Variants in EEF1D observed in about 807,000 individuals in gnomAD.
EEF1D encodes the protein eukaryotic translation elongation factor 1 delta, also known as elongation factor 1-delta.
Under a neutral mutation model 63.9 loss-of-function variants are expected in EEF1D, and 47 were observed. The ratio of observed to expected loss-of-function variants is 0.74; its 90% CI spans 0.58 to 0.94. The LOEUF (loss-of-function observed/expected upper bound fraction) is 0.94, where lower values mean the gene tolerates loss of function less well. Among genes scored for constraint, EEF1D ranks in the 40% least tolerant of loss-of-function variants. The pLI, the probability that EEF1D is intolerant of heterozygous loss-of-function variation, is 0.00. For synonymous variants in EEF1D, 412 were observed against 386.1 expected (o/e 1.07, Z -0.79); for missense variants, 907 against 899.0 (o/e 1.01, Z -0.11).
In EEF1D at chr8:143,589,792, C is replaced by A; in HGVS notation, c.290G>T (p.Gly97Val). Reference protein sequence around the residue: ...KRKRSPKSGLGPADLALLGLS... With the variant: ...KRKRSPKSGLVPADLALLGLS... The stretch of plus-strand genomic sequence containing the variant: ...GCCCAGGAGGGCCAGGTCCGCGGGG[C>A]CGAGCCCGCTCTTGGGGGAGCGCTT... Residue 97 changes from glycine (G) to valine (V), a missense_variant, in exon 3 of 10, where the codon GGC (glycine) becomes GTC (valine). By Grantham distance (109) the Gly-to-Val change is moderately radical. Coordinates refer to ENST00000618139, the MANE Select transcript of EEF1D (RefSeq NM_001130053.5). 6.3e-7 allele frequency: 1 copy of A among 1,581,004 alleles called. No homozygotes were observed. The highest frequency in any genetic ancestry group is 1.2e-5 in the South Asian group (1 of 86,464).
Position 143,589,340 on chromosome 8 carries a change from C to T in EEF1D, c.742G>A (p.Glu248Lys), listed in dbSNP as rs780292002. Residue 248 changes from glutamate (E) to lysine (K), a missense_variant, in exon 3 of 10, where the codon GAG becomes AAG. Transcript: ENST00000618139. Reference protein sequence around the residue: ...RYDAAERGFYEALFDGHPPGK... With the variant: ...RYDAAERGFYKALFDGHPPGK... ...GGGGGATGGCCGTCAAACAGGGCCT[C>T]GTAGAAGCCCCTCTCGGCTGCATCA... 1.1e-5 allele frequency: 18 copies of T among 1,580,852 alleles called. No individual in the cohort carries two copies. The highest frequency in any genetic ancestry group is 5.4e-5 in the African/African-American group (4 of 74,102).
Position 143,586,943 on chromosome 8 carries a change from C to T in EEF1D, c.1092-91G>A, listed in dbSNP as rs192596290. On this transcript the variant is annotated intron_variant, in intron 3 of 9. Coordinates refer to ENST00000618139, the MANE Select transcript of EEF1D (RefSeq NM_001130053.5). Reference sequence around the variant, plus strand: ...AAGCACCAAGGTGCAGTGGGGCTGACACCCGCTTCAGACACCAGCGGTTCT... The same window carrying T: ...AAGCACCAAGGTGCAGTGGGGCTGATACCCGCTTCAGACACCAGCGGTTCT... The T allele has an allele frequency of 8.4e-6, 13 of 1,545,492 alleles. No individual in the cohort carries two copies. In the African/African-American group the frequency reaches 1.6e-4, roughly 19 times the overall value.
intron 1 of EEF1D, among the ~76,000 whole-genome samples, chr8:143,595,761 G>A (rs1433579044): frequency 1.3e-5 from 2 of 152,144 alleles, no homozygotes; most frequent in African/African-American, 4.8e-5. Flanking sequence ...TGCCTGCCCG[G>A]CGCAGCCCCT....
chr8:143,593,521 G>A (rs1453246825), intron 1 of EEF1D, among the ~76,000 whole-genome samples: 4 of 152,164 alleles, frequency 2.6e-5, no homozygotes, highest in Non-Finnish European at 5.9e-5. Flanking sequence ...TCACCAACGG[G>A]AGCTCCGGCC....
At chr8:143,593,706 G>A (rs1344769000) in intron 1 of EEF1D, among the ~76,000 whole-genome samples, 1 of 152,124 alleles carries the variant, frequency 6.6e-6, no homozygotes, top group Non-Finnish European at 1.5e-5. Flanking sequence ...AAGCCCTCAG[G>A]AGACACCACA....
chr8:143,586,831 G>A lies in EEF1D; in HGVS notation c.1113C>T (p.Phe371=). 1 of 1,614,128 alleles carries A rather than the reference G, an allele frequency of 6.2e-7. No homozygotes were observed. The highest frequency in any genetic ancestry group is 1.3e-5 in the African/African-American group (1 of 75,054). The part of the protein sequence containing the change: ...LRPNRKMATN[F]LAHEKIWFDK... Reference sequence around the variant, plus strand: ...CGAACCAGATCTTCTCATGTGCTAGGAAGTTTGTAGCCATTTTTCTGCTGG... The same window carrying A: ...CGAACCAGATCTTCTCATGTGCTAGAAAGTTTGTAGCCATTTTTCTGCTGG... Residue 371 remains phenylalanine, a synonymous_variant, in exon 4 of 10, where the codon TTC becomes TTT. Coordinates refer to ENST00000618139, the MANE Select transcript of EEF1D (RefSeq NM_001130053.5).
In EEF1D at chr8:143,589,833, G is replaced by A. The variant is rs1827577986; in HGVS notation, c.249C>T (p.Pro83=). ...GGGAGCGCTTCCTCTTTTTCTGCAGGGGCTTCCTGCTGTCCTGGCTCTTCC... is the reference window on the plus strand; with the variant it reads ...GGGAGCGCTTCCTCTTTTTCTGCAGAGGCTTCCTGCTGTCCTGGCTCTTCC... ...DPRKSQDSRK[P]LQKKRKRSPK... Residue 83 remains proline, a synonymous_variant, in exon 3 of 10, where the codon CCC becomes CCT. Transcript: ENST00000618139. The A allele has an allele frequency of 1.9e-6, 3 of 1,603,772 alleles. No homozygotes were observed. Among genetic ancestry groups the A allele is most frequent in the Non-Finnish European group, 2.5e-6 (3 of 1,176,950 alleles).
intron 2 of EEF1D, chr8:143,592,193 C>G (rs1396113355): frequency 3.1e-5 from 31 of 985,494 alleles, no homozygotes; most frequent in Non-Finnish European, 3.5e-5. Flanking sequence ...GGTACCCCCA[C>G]CAGTCTCTCT....
chr8:143,592,038 G>A, intron 2 of EEF1D: 4 of 985,264 alleles, frequency 4.1e-6, no homozygotes, highest in Non-Finnish European at 4.8e-6. Flanking sequence ...CCATGAAGAC[G>A]CTCCCTAGGC....
Position 143,589,923 on chromosome 8 carries a change from G to A in EEF1D, c.159C>T (p.Gly53=). 6.2e-7 allele frequency: 1 copy of A among 1,600,076 alleles called. No homozygotes were observed. The highest frequency in any genetic ancestry group is 8.5e-7 in the Non-Finnish European group (1 of 1,178,306). The change falls in exon 3 of 10, where the codon GGC becomes GGT. Residue 53 remains glycine (G), a synonymous_variant. Coordinates refer to ENST00000618139, the MANE Select transcript of EEF1D (RefSeq NM_001130053.5). ...PAEGPAMNGP[G]QDDPEDADEA... ...CATCAGCGTCCTCAGGGTCGTCCTG[G>A]CCGGGCCCATTCATGGCTGGCCCCT...
intron 5 of EEF1D, chr8:143,585,952 A>C (rs1048658461): frequency 2.4e-5 from 11 of 453,980 alleles, no homozygotes; most frequent in African/African-American, 2.0e-4. Flanking sequence ...AAATGGCACC[A>C]CTCAGCTCCC....
chr8:143,592,035 G>A, intron 2 of EEF1D: 2 of 985,452 alleles, frequency 2.0e-6, no homozygotes, highest in African/African-American at 1.7e-5. Context: ...GGCCCATGAA[G>A]ACGCTCCCTA....
chr8:143,585,737 A>G (rs1014284846), intron 5 of EEF1D, among the ~76,000 whole-genome samples: 19 of 152,184 alleles, frequency 1.2e-4, no homozygotes, highest in Middle Eastern at 3.2e-3. Flanking sequence ...GCAGGGATAC[A>G]GGGCTCCTTC....
chr8:143,588,872 G>A (rs1827239232), intron 3 of EEF1D, 119 bp downstream of exon 3: 2 of 1,353,104 alleles, frequency 1.5e-6, no homozygotes, highest in African/African-American at 1.5e-5. Flanking sequence ...GGGCCCACGG[G>A]TCTCGGGGAG....
rs150824078 is a variant in EEF1D, at chr8:143,586,219, T to G, written c.1287A>C (p.Gly429=). Residue 429 remains glycine (G), a splice_region_variant and synonymous_variant, in exon 5 of 10, where the codon GGA becomes GGC. Coordinates refer to ENST00000618139, the MANE Select transcript of EEF1D (RefSeq NM_001130053.5). Reference sequence around the variant, plus strand: ...AGGTCCGTGGGCCGCGGGTACTCACTCCAGCCAGGGATTTCTGGATGTTCT... The same window carrying G: ...AGGTCCGTGGGCCGCGGGTACTCACGCCAGCCAGGGATTTCTGGATGTTCT... ...ARENIQKSLA[G]SSGPGASSGT... The G allele has an allele frequency of 3.9e-5, 62 of 1,609,012 alleles. No individual in the cohort carries two copies. The African/African-American group carries it at 7.7e-4, about 20-fold the overall frequency.
At chr8:143,588,215 G>T (rs924381450) in intron 3 of EEF1D, among the ~76,000 whole-genome samples, 1 of 152,136 alleles carries the variant, frequency 6.6e-6, no homozygotes, top group Non-Finnish European at 1.5e-5. Context: ...CACTTCCTTG[G>T]GGGCCTCAGC....
intron 3 of EEF1D, chr8:143,587,098 C>T (rs986081407): frequency 5.2e-6 from 2 of 382,062 alleles, no homozygotes; most frequent in East Asian, 9.7e-5. Flanking sequence ...CTTTCACTCA[C>T]ACGAAGCTGG....
intron 5 of EEF1D, among the ~76,000 whole-genome samples, chr8:143,585,750 G>T (rs1387573613): frequency 2.0e-5 from 3 of 152,152 alleles, no homozygotes; most frequent in Non-Finnish European, 4.4e-5. Flanking sequence ...GCTCCTTCTG[G>T]GTCTCCAACT....
chr8:143,590,261 G>T, intron 2 of EEF1D, 180 bp from the exon 3 acceptor site: 1 of 923,800 alleles, frequency 1.1e-6, no homozygotes, highest in Non-Finnish European at 1.6e-6. Flanking sequence ...TCGAAGTCAA[G>T]CCCATGTGGG....
Sources: allele counts gnomAD v4.1 joint callset (sites outside exome capture counted in the v4.1 genomes callset), GRCh38; gene constraint gnomAD v4.1.1; transcripts MANE v1.5; gene names NCBI Gene and HGNC (gene_info 2026-07-23, HGNC 2026-07-21).